LHFPL6: variants seen among roughly 807,000 people sequenced by gnomAD.
LHFPL6 encodes LHFPL tetraspan subfamily member 6.
Under a neutral mutation model 20.6 loss-of-function variants are expected in LHFPL6, and 9 were observed. That is an observed-to-expected ratio of 0.44 (90% confidence interval 0.26 to 0.76). The LOEUF (loss-of-function observed/expected upper bound fraction) is 0.76. Among genes scored for constraint, LHFPL6 ranks in the 30% least tolerant of loss-of-function variants. The pLI is 0.20. For missense variants in LHFPL6, 218 were observed against 253.5 expected (o/e 0.86, Z 0.95); for synonymous variants, 105 against 98.7 (o/e 1.06, Z -0.38).
chr13:39,569,148 TGGAC>T (rs747576240), intron 2 of LHFPL6, among the ~76,000 whole-genome samples: 52,568 of 144,020 alleles, frequency 0.37, 9,732 homozygotes, highest in African/African-American at 0.49. Context: ...GATGGATGGA[TGGAC>T]GGACGGATGG....
At chr13:39,450,836 T>G (rs1019428062) in intron 2 of LHFPL6, among the ~76,000 whole-genome samples, 2 of 152,176 alleles carry the variant, frequency 1.3e-5, no homozygotes, top group African/African-American at 4.8e-5. Context: ...TTAGCTGAAT[T>G]ATAAAATTAA....
intron 2 of LHFPL6, among the ~76,000 whole-genome samples, chr13:39,462,782 G>T (rs1872716172): frequency 6.6e-6 from 1 of 152,208 alleles, no homozygotes; most frequent in South Asian, 2.1e-4. Flanking sequence ...GCTTTCCTAT[G>T]TTATTGTGAC....
intron 2 of LHFPL6, among the ~76,000 whole-genome samples, chr13:39,438,874 C>A (rs958480677): frequency 1.1e-4 from 16 of 152,310 alleles, no homozygotes; most frequent in Admixed American, 9.8e-4. Flanking sequence ...TACAGAAAAG[C>A]CTAAATGTTC....
intron 3 of LHFPL6, among the ~76,000 whole-genome samples, chr13:39,365,138 T>G (rs1307908621): frequency 6.6e-6 from 1 of 152,202 alleles, no homozygotes; most frequent in Non-Finnish European, 1.5e-5. Context: ...CCAGCTCCTC[T>G]GACTCATGGA....
chr13:39,426,502 G>A (rs967693539), intron 2 of LHFPL6, among the ~76,000 whole-genome samples: 1 of 152,144 alleles, frequency 6.6e-6, no homozygotes, highest in Non-Finnish European at 1.5e-5. Flanking sequence ...TTAAAGGTGT[G>A]AGCCATCGCG....
At chr13:39,456,129 T>C (rs911007381) in intron 2 of LHFPL6, among the ~76,000 whole-genome samples, 1 of 152,216 alleles carries the variant, frequency 6.6e-6, no homozygotes, top group Non-Finnish European at 1.5e-5. Flanking sequence ...TGGACTCACA[T>C]CTAGACAAGT....
chr13:39,572,403 A>C (rs1315136813), intron 2 of LHFPL6, among the ~76,000 whole-genome samples: 1 of 152,012 alleles, frequency 6.6e-6, no homozygotes, highest in Non-Finnish European at 1.5e-5. Context: ...CAGGGCCCAG[A>C]CATAGATCTT....
intron 2 of LHFPL6, among the ~76,000 whole-genome samples, chr13:39,473,035 GCA>G (rs1644519240): frequency 6.6e-6 from 1 of 152,210 alleles, no homozygotes; most frequent in African/African-American, 2.4e-5. Flanking sequence ...AGTAAACCAG[GCA>G]GCTGAAGCAA....
intron 2 of LHFPL6, among the ~76,000 whole-genome samples, chr13:39,408,358 A>G (rs992241239): frequency 6.6e-6 from 1 of 152,226 alleles, no homozygotes; most frequent in Admixed American, 6.5e-5. Flanking sequence ...ATTCCATAGT[A>G]ATGAAGATAT....
intron 2 of LHFPL6, among the ~76,000 whole-genome samples, chr13:39,559,711 G>A (rs763119614): frequency 2.0e-5 from 3 of 152,182 alleles, no homozygotes; most frequent in Non-Finnish European, 4.4e-5. Flanking sequence ...TATTAAATGT[G>A]AGGAGTGCCA....
chr13:39,542,645 T>G (rs1870846689), intron 2 of LHFPL6, among the ~76,000 whole-genome samples: 1 of 152,240 alleles, frequency 6.6e-6, no homozygotes, highest in Non-Finnish European at 1.5e-5. Context: ...TTTGCCATTG[T>G]GGGAATCCAC....
chr13:39,409,914 T>C (rs1416640320), intron 2 of LHFPL6, among the ~76,000 whole-genome samples: 3 of 152,234 alleles, frequency 2.0e-5, no homozygotes, highest in Admixed American at 1.3e-4. Context: ...TTCAACAATA[T>C]GGCAAGATCT....
At chr13:39,406,201 T>C (rs1339356189) in intron 2 of LHFPL6, among the ~76,000 whole-genome samples, 1 of 152,190 alleles carries the variant, frequency 6.6e-6, no homozygotes, top group Non-Finnish European at 1.5e-5. Context: ...ACAATTTACA[T>C]TGTTATGTAA....
intron 2 of LHFPL6, among the ~76,000 whole-genome samples, chr13:39,439,984 G>A (rs996472426): frequency 2.8e-4 from 43 of 152,150 alleles, no homozygotes; most frequent in Non-Finnish European, 7.4e-5. Context: ...ACTAACAGTG[G>A]CTACTGTTTT....
chr13:39,495,227 AT>A (rs1869059196), intron 2 of LHFPL6, among the ~76,000 whole-genome samples: 1 of 152,206 alleles, frequency 6.6e-6, no homozygotes, highest in South Asian at 2.1e-4. Context: ...TTTTATTAAC[AT>A]GAAAATATGC....
chr13:39,398,389 G>T (rs180715226), intron 2 of LHFPL6, among the ~76,000 whole-genome samples: 3 of 152,318 alleles, frequency 2.0e-5, no homozygotes, highest in Admixed American at 1.3e-4. Context: ...TGACTTGAGA[G>T]GATCTTCCTT....
At chr13:39,469,288 T>C (rs1034452850) in intron 2 of LHFPL6, among the ~76,000 whole-genome samples, 1 of 152,206 alleles carries the variant, frequency 6.6e-6, no homozygotes, top group African/African-American at 2.4e-5. Flanking sequence ...TTGGGATTCT[T>C]GTGGCCATTC....
rs979676530 is a variant in LHFPL6 at position 39,388,875 on chromosome 13, T to C, written c.386-10349A>G. On this transcript the variant is annotated intron_variant, in intron 2 of 3. Transcript: ENST00000379589. Reference sequence around the variant, plus strand: ...AGATCTTTGATTCCTGTTAGAGCCCTAACTCACAGTTTCCTTCCCGGCAGG... The same window carrying C: ...AGATCTTTGATTCCTGTTAGAGCCCCAACTCACAGTTTCCTTCCCGGCAGG... Among the ~76,000 whole-genome samples the C allele has an allele frequency of 7.9e-5, 12 of 152,208 alleles. No homozygotes were observed. In the South Asian group the frequency reaches 1.0e-3, roughly 13 times the overall value.
intron 2 of LHFPL6, among the ~76,000 whole-genome samples, chr13:39,379,988 T>C (rs1254779691): frequency 1.3e-5 from 2 of 152,218 alleles, no homozygotes; most frequent in Non-Finnish European, 2.9e-5. Context: ...AAAGAAGTTA[T>C]ACAAGCTTTT....
Sources: gnomAD v4.1 joint callset for allele counts (sites outside exome capture counted in the v4.1 genomes callset) on GRCh38, gnomAD v4.1.1 for gene constraint, MANE v1.5 for transcripts, NCBI Gene and HGNC (gene_info 2026-07-23, HGNC 2026-07-21) for gene names.